DYNC1I2: variants seen among roughly 807,000 people sequenced by gnomAD.
DYNC1I2 encodes cytoplasmic dynein 1 intermediate chain 2.
In DYNC1I2, 53 loss-of-function variants were observed where a neutral mutation model predicts 88.6. The observed-to-expected ratio is 0.60, with a 90% CI of 0.48 to 0.75. The LOEUF (loss-of-function observed/expected upper bound fraction) is 0.75, where lower values mean the gene tolerates loss of function less well. DYNC1I2 is among the 30% of genes least tolerant of loss of function. The pLI, the probability that DYNC1I2 is intolerant of heterozygous loss-of-function variation, is 0.00. For synonymous variants in DYNC1I2, 198 were observed against 254.6 expected, an observed-to-expected ratio of 0.78 and a Z score of 2.12; for missense variants, 458 against 766.6, an observed-to-expected ratio of 0.60 and a Z score of 4.75.
chr2:171,741,134 C>G (rs1689398392), intron 15 of DYNC1I2, among the ~76,000 whole-genome samples: 2 of 152,148 alleles, frequency 1.3e-5, no homozygotes, highest in South Asian at 4.1e-4. Flanking sequence ...CTTCTTGTAT[C>G]AATGTATTGT....
intron 7 of DYNC1I2, among the ~76,000 whole-genome samples, chr2:171,724,738 C>T (rs953291077): frequency 6.6e-6 from 1 of 152,158 alleles, no homozygotes; most frequent in African/African-American, 2.4e-5. Context: ...AGACAAATAA[C>T]GCATGTGTTT....
Position 171,707,330 on chromosome 2 carries a change from A to G in DYNC1I2, c.288A>G (p.Pro96=), listed in dbSNP as rs1450869021. 1 of 1,613,866 alleles carries G rather than the reference A, an allele frequency of 6.2e-7. No individual in the cohort carries two copies. Among genetic ancestry groups the G allele is most frequent in the Non-Finnish European group, 8.5e-7 (1 of 1,179,838 alleles). ...MSPSSKSVST[P]SEAGSQDSGD... ...CATCCTCCAAATCTGTGAGCACTCC[A>G]AGTGAAGCTGGAAGCCAAGACTCTG... The change falls in exon 5 of 18, where the codon CCA becomes CCG. Residue 96 remains proline, a synonymous_variant. Transcript: ENST00000397119.
At chr2:171,711,744 A>G (rs1408208890) in intron 5 of DYNC1I2, among the ~76,000 whole-genome samples, 2 of 152,228 alleles carry the variant, frequency 1.3e-5, no homozygotes, top group Admixed American at 6.5e-5. Context: ...GATAAATTAT[A>G]TAGGCAGGTA....
intron 15 of DYNC1I2, among the ~76,000 whole-genome samples, chr2:171,735,487 G>A (rs908034553): frequency 6.6e-6 from 1 of 152,122 alleles, no homozygotes; most frequent in Non-Finnish European, 1.5e-5. Context: ...TATAATGCAG[G>A]TATTCAAAAA....
chr2:171,727,911 C>G lies in DYNC1I2; in HGVS notation c.1087C>G (p.Arg363Gly). 2 of 1,613,158 alleles carry G rather than the reference C, an allele frequency of 1.2e-6. No homozygotes were observed. The highest frequency in any genetic ancestry group is 1.7e-6 in the Non-Finnish European group (2 of 1,179,372). Residue 363 changes from arginine to glycine, a missense_variant, in exon 12 of 18, where the codon CGT becomes GGT. Arg to Gly is a moderately radical substitution (Grantham distance 125). Transcript: ENST00000397119. ...YSGQIVLWDN[R>G]SNKRTPVQRT... ...AGGCCAAATTGTGCTTTGGGATAAC[C>G]GTAGCAATAAAAGAACTCCAGTGCA... is the stretch of plus-strand genomic sequence containing the variant.
intron 3 of DYNC1I2, among the ~76,000 whole-genome samples, chr2:171,700,224 C>T (rs1686143528): frequency 1.3e-5 from 2 of 152,146 alleles, no homozygotes; most frequent in East Asian, 1.9e-4. Flanking sequence ...GGCCACTCCA[C>T]GGATCTACTT....
chr2:171,749,242 G>A lies in DYNC1I2; in HGVS notation c.*1353G>A, dbSNP rs1158014344. 8.5e-5 allele frequency among the ~76,000 whole-genome samples: 13 copies of A among 152,104 alleles called. No individual in the cohort carries two copies. Among genetic ancestry groups the A allele is most frequent in the Admixed American group, 8.5e-4 (13 of 15,276 alleles). On this transcript the variant is annotated 3_prime_UTR_variant, in exon 18 of 18. Coordinates refer to ENST00000397119, the MANE Select transcript of DYNC1I2 (RefSeq NM_001378.3). ...GAGAAGTGTGATTTTAGCCAAGTCT[G>A]TGCCGCATTCTTTATATGTAGGAAT...
At chr2:171,743,097 T>G (rs1271792104) in intron 15 of DYNC1I2, among the ~76,000 whole-genome samples, 1 of 152,232 alleles carries the variant, frequency 6.6e-6, no homozygotes, top group East Asian at 1.9e-4. Context: ...GAAACCTTTC[T>G]GACAACATAA....
intron 6 of DYNC1I2, among the ~76,000 whole-genome samples, chr2:171,713,592 A>T (rs1687280073): frequency 6.6e-6 from 1 of 152,094 alleles, no homozygotes; most frequent in Admixed American, 6.5e-5. Flanking sequence ...TGACATAGAG[A>T]TAAGATTATC....
At chr2:171,740,169 T>C (rs1207083465) in intron 15 of DYNC1I2, among the ~76,000 whole-genome samples, 2 of 152,208 alleles carry the variant, frequency 1.3e-5, no homozygotes, top group African/African-American at 4.8e-5. Flanking sequence ...GTGTCATTCA[T>C]ATTAATGTGT....
At chr2:171,717,270 C>T (rs532048699) in intron 7 of DYNC1I2, among the ~76,000 whole-genome samples, 11 of 151,730 alleles carry the variant, frequency 7.2e-5, no homozygotes, top group African/African-American at 1.7e-4. Flanking sequence ...CCTGCCACCA[C>T]GCCCGGCTAA....
intron 3 of DYNC1I2, among the ~76,000 whole-genome samples, chr2:171,696,962 A>G (rs1394284339): frequency 1.3e-5 from 2 of 151,988 alleles, no homozygotes; most frequent in East Asian, 3.8e-4. Context: ...TACCATACAT[A>G]CATTGCATTG....
intron 11 of DYNC1I2, among the ~76,000 whole-genome samples, chr2:171,727,332 CAT>C (rs1406310679): frequency 6.6e-6 from 1 of 152,096 alleles, no homozygotes; most frequent in Non-Finnish European, 1.5e-5. Context: ...TAAGTAGAAA[CAT>C]ATGGTTGAAG....
intron 16 of DYNC1I2, among the ~76,000 whole-genome samples, chr2:171,745,225 G>C (rs1689701879): frequency 6.6e-6 from 1 of 152,190 alleles, no homozygotes; most frequent in South Asian, 2.1e-4. Flanking sequence ...GGCACAGTCA[G>C]ATTCCAGGGA....
chr2:171,728,112 TA>T, intron 12 of DYNC1I2, 145 bp downstream of exon 12: 2 of 1,081,960 alleles, frequency 1.8e-6, no homozygotes, highest in Non-Finnish European at 2.5e-6. Context: ...GAATGAAGGC[TA>T]TTTTTTTTTT....
intron 3 of DYNC1I2, among the ~76,000 whole-genome samples, chr2:171,695,320 C>G (rs1034078890): frequency 2.6e-5 from 4 of 152,042 alleles, no homozygotes; most frequent in African/African-American, 7.2e-5. Context: ...AGGCTGGTCT[C>G]GAACTCCTGA....
intron 5 of DYNC1I2, among the ~76,000 whole-genome samples, chr2:171,708,580 T>A (rs1395310184): frequency 2.0e-5 from 3 of 152,218 alleles, no homozygotes; most frequent in Admixed American, 2.0e-4. Context: ...CCTTATAAAA[T>A]AGTATGCATT....
chr2:171,690,206 A>G lies in DYNC1I2; in HGVS notation c.51A>G (p.Arg17=), dbSNP rs1419212812. The G allele has an allele frequency of 5.1e-6, 8 of 1,554,024 alleles. No homozygotes were observed. The Middle Eastern group carries it at 9.2e-4, about 179-fold the overall frequency. Residue 17 remains arginine, a synonymous_variant, in exon 2 of 18, where the codon CGA becomes CGG. Transcript: ENST00000397119. Reference sequence around the variant, plus strand: ...CTGAGTTGGAACGTAAGAAGCAGCGACTGGCCCAAATCAGAGAGGAAAAGA... The same window carrying G: ...CTGAGTTGGAACGTAAGAAGCAGCGGCTGGCCCAAATCAGAGAGGAAAAGA... The part of the protein sequence containing the change: ...LKAELERKKQ[R]LAQIREEKKR...
chr2:171,702,972 G>T (rs1198940067), intron 3 of DYNC1I2, among the ~76,000 whole-genome samples: 1 of 152,110 alleles, frequency 6.6e-6, no homozygotes, highest in Non-Finnish European at 1.5e-5. Flanking sequence ...CGATCCTCCT[G>T]CCTTGACCTT....
Sources: gnomAD v4.1 joint callset for allele counts (sites outside exome capture counted in the v4.1 genomes callset) on GRCh38, gnomAD v4.1.1 for gene constraint, MANE v1.5 for transcripts, NCBI Gene and HGNC (gene_info 2026-07-23, HGNC 2026-07-21) for gene names.